IQGAP2: variants seen among roughly 807,000 people sequenced by gnomAD.
The protein encoded by IQGAP2 is ras GTPase-activating-like protein IQGAP2.
IQGAP2 carries 173 observed loss-of-function variants against 201.3 expected under a neutral mutation model. That is an observed-to-expected ratio of 0.86 (90% CI 0.76 to 0.98). The LOEUF is 0.98. Among genes scored for constraint, IQGAP2 ranks in the 50% least tolerant of loss-of-function variants. The pLI is 0.00. For synonymous variants in IQGAP2, 675 were observed against 673.9 expected (o/e 1.00, Z -0.03); for missense variants, 1,687 against 1,864.8 (o/e 0.90, Z 1.76).
At chr5:76,422,246 A>C (rs1333137297) in intron 1 of IQGAP2, among the ~76,000 whole-genome samples, 1 of 152,186 alleles carries the variant, frequency 6.6e-6, no homozygotes, top group African/African-American at 2.4e-5. Context: ...GTGGCCTTAA[A>C]GTAAGCAGAC....
At position 76,683,716 on chromosome 5, in the gene IQGAP2, G is replaced by C. The variant is rs1024726070; in HGVS notation, c.3764-60G>C. The C allele has an allele frequency of 2.7e-5, 41 of 1,496,210 alleles. No homozygotes were observed. In the African/African-American group the frequency reaches 5.1e-4, roughly 19 times the overall value. 92.7% of individuals were successfully genotyped at this position (1,496,210 alleles called of 1,614,324 possible). The stretch of plus-strand genomic sequence containing the variant: ...TCCCACAGAACCTTTATCTTACATT[G>C]TTGGTGCCATCATCACAAAGAGTGA... On this transcript the variant is annotated intron_variant, in intron 29 of 35. Coordinates refer to ENST00000274364, the MANE Select transcript of IQGAP2 (RefSeq NM_006633.5).
At chr5:76,566,161 A>T (rs1160142787) in intron 3 of IQGAP2, among the ~76,000 whole-genome samples, 1 of 152,146 alleles carries the variant, frequency 6.6e-6, no homozygotes, top group Non-Finnish European at 1.5e-5. Context: ...TAATGGCAGA[A>T]TAGTGAGCCA....
At chr5:76,623,172 T>C in intron 13 of IQGAP2, 2 of 1,614,172 alleles carry the variant, frequency 1.2e-6, no homozygotes, top group Non-Finnish European at 1.7e-6. Context: ...CTTACCACTC[T>C]GACAAAAAGT....
chr5:76,509,907 A>G (rs552691793), intron 2 of IQGAP2, among the ~76,000 whole-genome samples: 5 of 152,100 alleles, frequency 3.3e-5, no homozygotes, highest in Admixed American at 3.3e-4. Flanking sequence ...ATAGTTTTCC[A>G]TATCTTAAAA....
chr5:76,404,172 C>A (rs1446578456), intron 1 of IQGAP2, among the ~76,000 whole-genome samples: 1 of 151,998 alleles, frequency 6.6e-6, no homozygotes, highest in Non-Finnish European at 1.5e-5. Context: ...TGAAACCCCC[C>A]AACCCCTTTC....
intron 2 of IQGAP2, among the ~76,000 whole-genome samples, chr5:76,489,279 A>G (rs1043002637): frequency 2.0e-5 from 3 of 152,144 alleles, no homozygotes; most frequent in African/African-American, 7.2e-5. Flanking sequence ...TGGAGGCTGT[A>G]TCTCCTGATT....
intron 2 of IQGAP2, among the ~76,000 whole-genome samples, chr5:76,502,975 G>A (rs1230526868): frequency 6.6e-6 from 1 of 151,532 alleles, no homozygotes; most frequent in Non-Finnish European, 1.5e-5. Context: ...GAACTGCCAG[G>A]CTCAAGTGAT....
intron 9 of IQGAP2, among the ~76,000 whole-genome samples, 174 bp downstream of exon 9, chr5:76,593,099 A>G (rs1561491285): frequency 6.6e-6 from 1 of 152,164 alleles, no homozygotes; most frequent in Non-Finnish European, 1.5e-5. Flanking sequence ...GCAGTTTCCC[A>G]CTGGGCTTTT....
intron 3 of IQGAP2, among the ~76,000 whole-genome samples, chr5:76,563,139 A>G (rs1191833770): frequency 6.6e-6 from 1 of 152,148 alleles, no homozygotes; most frequent in Non-Finnish European, 1.5e-5. Context: ...CCAAGGTAGG[A>G]GGATTGCTTG....
chr5:76,449,055 G>T (rs541639969), intron 1 of IQGAP2, among the ~76,000 whole-genome samples: 2 of 152,120 alleles, frequency 1.3e-5, no homozygotes, highest in Non-Finnish European at 2.9e-5. Flanking sequence ...ATGACCTGGG[G>T]GTCTCCCTTC....
At chr5:76,514,376 C>T (rs1054093991) in intron 2 of IQGAP2, among the ~76,000 whole-genome samples, 16 of 151,990 alleles carry the variant, frequency 1.1e-4, no homozygotes, top group African/African-American at 3.4e-4. Flanking sequence ...TTCCACTGTC[C>T]TTGATGGCAC....
chr5:76,518,531 T>C (rs1002987378), intron 2 of IQGAP2, among the ~76,000 whole-genome samples: 8 of 152,072 alleles, frequency 5.3e-5, no homozygotes, highest in African/African-American at 1.9e-4. Context: ...AAGATAAGAT[T>C]TGGGTGGGGA....
chr5:76,641,132 C>A, intron 17 of IQGAP2, 29 bp downstream of exon 17: 1 of 1,486,014 alleles, frequency 6.7e-7, no homozygotes, highest in East Asian at 2.3e-5. Context: ...ACTGTTTACA[C>A]AAAACTGTCA....
intron 2 of IQGAP2, among the ~76,000 whole-genome samples, chr5:76,490,987 C>CTTTTTTTT (rs767214200): frequency 1.8e-5 from 2 of 113,026 alleles, no homozygotes. Flanking sequence ...AGATTTTCAT[C>CTTTTTTTT]TTTTTTTTTT....
chr5:76,467,761 A>T lies in IQGAP2; in HGVS notation c.146+6092A>T, dbSNP rs1283340926. Among the ~76,000 whole-genome samples, 3 of 152,236 alleles carry T rather than the reference A, an allele frequency of 2.0e-5. No homozygotes were observed. The East Asian group carries it at 5.8e-4, about 29-fold the overall frequency. ...AATGTCTACCCACTGATAAACGGTG[A>T]TGTATCCATACAATGAAATATTTCT... On this transcript the variant is annotated intron_variant, in intron 2 of 35. Coordinates refer to ENST00000274364, the MANE Select transcript of IQGAP2 (RefSeq NM_006633.5).
At chr5:76,581,370 T>G (rs1440942717) in intron 5 of IQGAP2, among the ~76,000 whole-genome samples, 1 of 152,256 alleles carries the variant, frequency 6.6e-6, no homozygotes, top group African/African-American at 2.4e-5. Flanking sequence ...GACAGTTTCT[T>G]AGCTCAAAGG....
At chr5:76,511,566 C>A (rs1443002841) in intron 2 of IQGAP2, among the ~76,000 whole-genome samples, 1 of 152,052 alleles carries the variant, frequency 6.6e-6, no homozygotes, top group African/African-American at 2.4e-5. Context: ...TTGAGTAGAC[C>A]AGTCATGTTC....
intron 5 of IQGAP2, among the ~76,000 whole-genome samples, chr5:76,579,320 T>C (rs1038771834): frequency 7.2e-5 from 11 of 152,086 alleles, no homozygotes; most frequent in African/African-American, 2.4e-4. Flanking sequence ...AAACCTGCCA[T>C]GATTACAGAT....
intron 1 of IQGAP2, among the ~76,000 whole-genome samples, chr5:76,421,555 T>C (rs931606875): frequency 6.6e-6 from 1 of 152,148 alleles, no homozygotes; most frequent in Non-Finnish European, 1.5e-5. Flanking sequence ...AAGTTAAGGC[T>C]GCAGTGAGCC....
Sources: gnomAD v4.1 joint callset for allele counts (sites outside exome capture counted in the v4.1 genomes callset) on GRCh38, gnomAD v4.1.1 for gene constraint, MANE v1.5 for transcripts, NCBI Gene and HGNC (gene_info 2026-07-23, HGNC 2026-07-21) for gene names.